The following BDP1 variants were observed in gnomAD, a reference collection of about 807,000 sequenced individuals.
BDP1 encodes the protein BDP1 general transcription factor IIIB subunit, also known as transcription factor TFIIIB component B'' homolog.
Under a neutral mutation model 266.6 loss-of-function variants are expected in BDP1, and 169 were observed. That is an observed-to-expected ratio of 0.63 (90% confidence interval 0.56 to 0.72). BDP1 has a LOEUF of 0.72. Among genes scored for constraint, BDP1 ranks in the 30% least tolerant of loss-of-function variants. The pLI is 0.00. For synonymous variants in BDP1, 1,090 were observed against 1,022.4 expected (o/e 1.07, Z -1.26); for missense variants, 3,015 against 3,053.8 (o/e 0.99, Z 0.30).
rs1766219732 is a variant in BDP1, at chr5:71,531,146, A to G, written c.5773-1162A>G. On this transcript the variant is annotated intron_variant, in intron 25 of 38. Coordinates refer to ENST00000358731, the MANE Select transcript of BDP1 (RefSeq NM_018429.3). Reference sequence around the variant, plus strand: ...CTTTACTCACAGTTTCTACTCAGCCATACAACGTTTTATACTGTTTTTTTC... The same window carrying G: ...CTTTACTCACAGTTTCTACTCAGCCGTACAACGTTTTATACTGTTTTTTTC... Among the ~76,000 whole-genome samples the G allele has an allele frequency of 2.0e-5, 3 of 152,282 alleles. No homozygotes were observed. In the South Asian group the frequency reaches 6.2e-4, roughly 32 times the overall value.
At position 71,509,808 on chromosome 5, in the gene BDP1, G is replaced by C. The variant is rs897098294; in HGVS notation, c.2716G>C (p.Gly906Arg). 8.1e-6 allele frequency: 13 copies of C among 1,614,098 alleles called. No homozygotes were observed. The highest frequency in any genetic ancestry group is 1.1e-5 in the Non-Finnish European group (13 of 1,180,002). ...IEMETGLKAMGREICLREKTP... is the reference protein window; with the variant it reads ...IEMETGLKAMRREICLREKTP... ...AATGGAGACAGGTCTGAAAGCAATG[G>C]GAAGAGAGATTTGTCTAAGGGAGAA... Residue 906 changes from glycine (G) to arginine (R), a missense_variant, in exon 17 of 39, where the codon GGA becomes CGA. Gly to Arg is a moderately radical substitution (Grantham distance 125). Around this residue, in one of 3 missense-constraint regions of BDP1, gnomAD observed 2,383 missense variants for 2,404.9 expected, o/e 0.99. Coordinates refer to ENST00000358731, the MANE Select transcript of BDP1 (RefSeq NM_018429.3).
rs6883955 is a variant in BDP1 at position 71,498,755 on chromosome 5, G to T, written c.1956+1329G>T. Among the ~76,000 whole-genome samples, 731 of 138,570 alleles carry T rather than the reference G, an allele frequency of 5.3e-3. 5 individuals are homozygous for T. The highest frequency in any genetic ancestry group is 0.019 in the African/African-American group (683 of 36,448). 90.9% of individuals were successfully genotyped at this position (138,570 alleles called of 152,430 possible). ...TTTTTTTTTTTTGACATAGGATCTC[G>T]CCCAGTCGCCCAGGCTGGAGTGCAA... On this transcript the variant is annotated intron_variant, in intron 13 of 38. Coordinates refer to ENST00000358731, the MANE Select transcript of BDP1 (RefSeq NM_018429.3).
At chr5:71,461,953 T>A in intron 3 of BDP1, 27 bp downstream of exon 3, 4 of 870,832 alleles carry the variant, frequency 4.6e-6, no homozygotes, top group Non-Finnish European at 7.4e-6. Flanking sequence ...TCTGCTTTAC[T>A]ATCTCTTTTT....
At position 71,541,591 on chromosome 5, in the gene BDP1, T is replaced by C. The variant is rs1202222992; in HGVS notation, c.6160T>C (p.Phe2054Leu). The C allele has an allele frequency of 6.2e-7, 1 of 1,612,676 alleles. No homozygotes were observed. The change falls in exon 29 of 39, where the codon TTT becomes CTT. Residue 2054 changes from phenylalanine to leucine, a missense_variant. By Grantham distance (22) the Phe-to-Leu change is conservative. Coordinates refer to ENST00000358731, the MANE Select transcript of BDP1 (RefSeq NM_018429.3). Reference protein sequence around the residue: ...SPVITTSPASFEENKIVLEEQ... With the variant: ...SPVITTSPASLEENKIVLEEQ... ...TGTCATTACTACATCTCCTGCATCA[T>C]TTGAAGAAAACAAGATTGTATTGGA...
At chr5:71,568,430 T>A (rs997858363), downstream of BDP1, among the ~76,000 whole-genome samples, 28 of 152,376 alleles carry the variant, frequency 1.8e-4, no homozygotes, top group African/African-American at 6.7e-4. Context: ...TCTGTCTTCA[T>A]GGTGACCAGT....
chr5:71,475,644 A>T (rs1372228675), intron 7 of BDP1: 2 of 152,168 alleles, frequency 1.3e-5, no homozygotes, highest in African/African-American at 4.8e-5. Flanking sequence ...AATCTATCTC[A>T]TGTTATTTTT....
At chr5:71,577,410 ATAAAAT>A in the BDP1 span, among the ~76,000 whole-genome samples, 11 of 152,244 alleles carry the variant, frequency 7.2e-5, no homozygotes, top group African/African-American at 2.7e-4. Flanking sequence ...CTACTTGAGA[ATAAAAT>A]TAACACTGAG....
chr5:71,513,801 C>T (rs1357632198), intron 19 of BDP1, among the ~76,000 whole-genome samples: 1 of 152,038 alleles, frequency 6.6e-6, no homozygotes, highest in Non-Finnish European at 1.5e-5. Context: ...CTCACTGCAA[C>T]TTCCACCTCC....
chr5:71,526,166 C>T (rs2150520690), intron 25 of BDP1, among the ~76,000 whole-genome samples: 1 of 152,256 alleles, frequency 6.6e-6, no homozygotes, highest in Non-Finnish European at 1.5e-5. Flanking sequence ...ACTGAGTGAA[C>T]GCAACTCCGT....
At chr5:71,461,954 ATC>A in intron 3 of BDP1, 28 bp downstream of exon 3, 9 of 871,696 alleles carry the variant, frequency 1.0e-5, no homozygotes, top group East Asian at 8.0e-5. Context: ...CTGCTTTACT[ATC>A]TCTTTTTTTT....
In BDP1 at chr5:71,512,304, A is replaced by G. The variant is rs1438963078; in HGVS notation, c.4123A>G (p.Lys1375Glu). The G allele has an allele frequency of 6.3e-7, 1 of 1,594,314 alleles. No homozygotes were observed. The highest frequency in any genetic ancestry group is 2.2e-5 in the East Asian group (1 of 44,618). Residue 1375 changes from lysine (K) to glutamate (E), a missense_variant, in exon 18 of 39, where the codon AAA becomes GAA. Physicochemically the swap from Lys to Glu is moderately conservative, Grantham distance 56. Coordinates refer to ENST00000358731, the MANE Select transcript of BDP1 (RefSeq NM_018429.3). Reference sequence around the variant, plus strand: ...TGTAGAAGAAAAAAGAAATTCTGAAAAAGAAGTATCAAGTCACTTCAGTCA... The same window carrying G: ...TGTAGAAGAAAAAAGAAATTCTGAAGAAGAAGTATCAAGTCACTTCAGTCA... ...TPVEEKRNSE[K>E]EVSSHFSHFK...
chr5:71,575,653 C>G, the BDP1 span, among the ~76,000 whole-genome samples: 825 of 152,298 alleles, frequency 5.4e-3, 7 homozygotes, highest in African/African-American at 0.019. Flanking sequence ...TGTTTCTTTA[C>G]TATACCCATA....
chr5:71,476,509 C>T (rs532641667), intron 7 of BDP1, among the ~76,000 whole-genome samples: 6 of 151,324 alleles, frequency 4.0e-5, no homozygotes, highest in South Asian at 2.1e-4. Flanking sequence ...TTGTTTTTTC[C>T]ATAGCCCCAA....
rs1437086535 is a variant in BDP1, at chr5:71,532,295, T to C, written c.5773-13T>C. On this transcript the variant is annotated splice_polypyrimidine_tract_variant and intron_variant, in intron 25 of 38. Transcript: ENST00000358731. ...ATATGCCAAAATGAAATGATAAAAC[T>C]TTATTTTGACAGCTTGAAATAACTG... is the stretch of plus-strand genomic sequence containing the variant. 2.0e-5 allele frequency: 32 copies of C among 1,611,288 alleles called. No individual in the cohort carries two copies. Among genetic ancestry groups the C allele is most frequent in the Non-Finnish European group, 2.7e-5 (32 of 1,178,730 alleles).
At chr5:71,530,545 A>G (rs1340263017) in intron 25 of BDP1, among the ~76,000 whole-genome samples, 1 of 151,648 alleles carries the variant, frequency 6.6e-6, no homozygotes, top group Non-Finnish European at 1.5e-5. Context: ...TGCCTGGCCT[A>G]TTGTTTTTAA....
At chr5:71,491,167 T>C (rs772728880) in intron 11 of BDP1, 36 bp downstream of exon 11, 21 of 1,587,510 alleles carry the variant, frequency 1.3e-5, no homozygotes, top group Middle Eastern at 1.7e-4. Context: ...TATCCACATC[T>C]GTTGATTACT....
At chr5:71,468,309 G>C (rs762541923) in intron 6 of BDP1, among the ~76,000 whole-genome samples, 3 of 151,792 alleles carry the variant, frequency 2.0e-5, no homozygotes, top group Non-Finnish European at 2.9e-5. Flanking sequence ...ATGAGCCACC[G>C]CACCTGGCCT....
At chr5:71,470,159 C>T (rs1762151628) in intron 6 of BDP1, among the ~76,000 whole-genome samples, 2 of 151,762 alleles carry the variant, frequency 1.3e-5, no homozygotes, top group South Asian at 2.1e-4. Flanking sequence ...TAACTCTTGT[C>T]CTCAAATGAT....
At chr5:71,490,950 A>C in intron 10 of BDP1, 34 bp from the exon 11 acceptor site, 1 of 1,563,098 alleles carries the variant, frequency 6.4e-7, no homozygotes, top group Non-Finnish European at 8.7e-7. Context: ...TTTTGCTGTC[A>C]TTTTTTAGAA....
Sources: gnomAD v4.1 joint callset for allele counts (sites outside exome capture counted in the v4.1 genomes callset) on GRCh38, gnomAD v4.1.1 for gene constraint, gnomAD v4.1.1 regional missense constraint, MANE v1.5 for transcripts, NCBI Gene and HGNC (gene_info 2026-07-23, HGNC 2026-07-21) for gene names.